Variants in NCAM1 observed in about 807,000 individuals in gnomAD.
NCAM1 encodes the protein antigen recognized by monoclonal antibody 5.1H11.
A neutral mutation model predicts 109.8 loss-of-function variants in NCAM1; 14 were observed. The ratio of observed to expected loss-of-function variants is 0.13; its 90% confidence interval spans 0.08 to 0.20. NCAM1 has a LOEUF of 0.20. NCAM1 is among the 10% of genes least tolerant of loss of function. NCAM1 has a pLI of 1.00. For missense variants in NCAM1, 774 were observed against 1,109.9 expected (o/e 0.70, Z 4.30); for synonymous variants, 418 against 442.9 (o/e 0.94, Z 0.70).
intron 8 of NCAM1, among the ~76,000 whole-genome samples, chr11:113,217,019 A>C (rs1944551135): frequency 6.6e-6 from 1 of 152,230 alleles, no homozygotes; most frequent in Non-Finnish European, 1.5e-5. Flanking sequence ...AGTGGAAAAC[A>C]ACCATTTTCT....
chr11:113,061,071 C>A (rs993225120), intron 1 of NCAM1, among the ~76,000 whole-genome samples: 1 of 152,176 alleles, frequency 6.6e-6, no homozygotes, highest in Non-Finnish European at 1.5e-5. Flanking sequence ...CCATTTCCTC[C>A]TCCCTACAAC....
chr11:113,221,145 A>C (rs1944681693), intron 8 of NCAM1, 151 bp from the exon 9 acceptor site: 1 of 705,688 alleles, frequency 1.4e-6, no homozygotes, highest in Non-Finnish European at 2.4e-6. Flanking sequence ...AAATTGTGTA[A>C]TAAACACACC....
intron 1 of NCAM1, among the ~76,000 whole-genome samples, chr11:113,015,120 T>C (rs1952174979): frequency 6.6e-6 from 1 of 152,234 alleles, no homozygotes; most frequent in Non-Finnish European, 1.5e-5. Flanking sequence ...TACTCCCTCT[T>C]ATCCTTACAG....
At chr11:112,985,640 A>T (rs2134736458) in intron 1 of NCAM1, among the ~76,000 whole-genome samples, 1 of 151,840 alleles carries the variant, frequency 6.6e-6, no homozygotes, top group Admixed American at 6.6e-5. Context: ...AGTTAAGTTT[A>T]GTCCTAAGTA....
chr11:113,243,568 T>G (rs1242972690), intron 14 of NCAM1: 1 of 518,692 alleles, frequency 1.9e-6, no homozygotes, highest in Non-Finnish European at 3.8e-6. Context: ...TTGCACAGAA[T>G]CACTGCTGTA....
chr11:113,181,054 G>C (rs1483381150), intron 1 of NCAM1, among the ~76,000 whole-genome samples: 1 of 152,224 alleles, frequency 6.6e-6, no homozygotes, highest in East Asian at 1.9e-4. Context: ...ATCTGAAATA[G>C]CAATGCTGAC....
chr11:113,196,558 G>A (rs1172427374), intron 1 of NCAM1, among the ~76,000 whole-genome samples: 1 of 152,204 alleles, frequency 6.6e-6, no homozygotes, highest in South Asian at 2.1e-4. Context: ...GGTATTAAAT[G>A]CTTATTATCT....
chr11:113,033,733 G>C (rs1057478965), intron 1 of NCAM1, among the ~76,000 whole-genome samples: 1 of 152,240 alleles, frequency 6.6e-6, no homozygotes, highest in Non-Finnish European at 1.5e-5. Context: ...TTTTTAATTA[G>C]TTAATATGCA....
chr11:113,072,486 G>A (rs1014400573), intron 1 of NCAM1, among the ~76,000 whole-genome samples: 17 of 151,902 alleles, frequency 1.1e-4, no homozygotes, highest in African/African-American at 3.9e-4. Context: ...GGGATAACTA[G>A]AGAGAGAAAA....
rs1555126652 is a variant in NCAM1 at position 113,276,660 on chromosome 11, G to A, written c.*1273G>A. ...AGAGCATGTGTGCTTCAGGGAATTA[G>A]TGTCTTTTTTTGGAAATCTGTTGAA... On this transcript the variant is annotated 3_prime_UTR_variant, in exon 20 of 20. Coordinates refer to ENST00000316851, the MANE Select transcript of NCAM1 (RefSeq NM_181351.5). The A allele has an allele frequency of 6.6e-6, 1 of 152,596 alleles. No individual in the cohort carries two copies. The highest frequency in any genetic ancestry group is 6.5e-5 in the Admixed American group (1 of 15,282). The allele number at this position is 152,596 out of a possible 1,614,324, so 9.5% of individuals were successfully genotyped here.
At chr11:112,968,510 T>C (rs558483395) in intron 1 of NCAM1, among the ~76,000 whole-genome samples, 2 of 152,320 alleles carry the variant, frequency 1.3e-5, no homozygotes, top group East Asian at 3.9e-4. Context: ...CACTTTGATA[T>C]GTGCTTAATC....
intron 16 of NCAM1, among the ~76,000 whole-genome samples, chr11:113,258,479 A>G (rs1555122680): frequency 6.6e-6 from 1 of 152,192 alleles, no homozygotes; most frequent in Non-Finnish European, 1.5e-5. Context: ...TGAGCTCCCT[A>G]CTATAGAAGG....
intron 1 of NCAM1, among the ~76,000 whole-genome samples, chr11:113,023,739 CG>C (rs1319745741): frequency 6.6e-6 from 1 of 152,010 alleles, no homozygotes; most frequent in Admixed American, 6.6e-5. Flanking sequence ...GGAACTTTGT[CG>C]GTTTTCTTGT....
At position 113,275,496 on chromosome 11, in the gene NCAM1, ATG is replaced by A; in HGVS notation, c.*110_*111del. On this transcript the variant is annotated 3_prime_UTR_variant, in exon 20 of 20. Transcript: ENST00000316851. ...CACGCACGCACACACACAAACACAC[ATG>A]CACACACACACATCTCATTTCTCTA... 1 of 1,288,024 alleles carries A rather than the reference ATG, an allele frequency of 7.8e-7. No individual in the cohort carries two copies. Among genetic ancestry groups the A allele is most frequent in the South Asian group, 1.4e-5 (1 of 69,588 alleles). 79.8% of individuals were successfully genotyped at this position (1,288,024 alleles called of 1,614,324 possible). A position where few individuals can be genotyped will look rare whatever the true frequency, so the allele number is the denominator to read the frequency against.
chr11:113,062,380 G>A (rs997612197), intron 1 of NCAM1, among the ~76,000 whole-genome samples: 11 of 152,030 alleles, frequency 7.2e-5, no homozygotes, highest in East Asian at 5.8e-4. Flanking sequence ...TTTTTTCAGC[G>A]AGCATAATGT....
chr11:113,205,995 A>T (rs1429978129), intron 4 of NCAM1, 48 bp from the exon 5 acceptor site: 1 of 1,610,030 alleles, frequency 6.2e-7, no homozygotes, highest in Non-Finnish European at 8.5e-7. Context: ...CTGCCTGCAG[A>T]TGCTCTCTGA....
At chr11:113,205,130 G>C (rs79526853) in intron 3 of NCAM1, among the ~76,000 whole-genome samples, 3 of 152,164 alleles carry the variant, frequency 2.0e-5, no homozygotes, top group African/African-American at 4.8e-5. Flanking sequence ...GTAGCAGTTC[G>C]AGTGGGAGAC....
intron 1 of NCAM1, among the ~76,000 whole-genome samples, chr11:113,107,953 C>A (rs1282835209): frequency 6.6e-6 from 1 of 152,062 alleles, no homozygotes; most frequent in South Asian, 2.1e-4. Flanking sequence ...ATTGTTAACT[C>A]CTAGGTCAAG....
chr11:113,254,784 C>G (rs1945793303), intron 15 of NCAM1, among the ~76,000 whole-genome samples: 1 of 152,152 alleles, frequency 6.6e-6, no homozygotes, highest in Non-Finnish European at 1.5e-5. Flanking sequence ...TTTGTAGCCT[C>G]TCCAAGTTTT....
Sources: gnomAD v4.1 joint callset for allele counts (sites outside exome capture counted in the v4.1 genomes callset) on GRCh38, gnomAD v4.1.1 for gene constraint, MANE v1.5 for transcripts, NCBI Gene and HGNC (gene_info 2026-07-23, HGNC 2026-07-21) for gene names.